OSBPL8: variants seen among roughly 807,000 people sequenced by gnomAD.
The protein encoded by OSBPL8 is oxysterol binding protein like 8.
OSBPL8 carries 59 observed loss-of-function variants against 125.5 expected under a neutral mutation model. That is an observed-to-expected ratio of 0.47 (90% CI 0.38 to 0.58). The LOEUF (loss-of-function observed/expected upper bound fraction) is 0.58, where lower values mean the gene tolerates loss of function less well. Ranked by LOEUF, OSBPL8 falls within the 20% of genes least tolerant of loss-of-function variation. The pLI is 0.00. For missense variants in OSBPL8, 758 were observed against 1,047.8 expected, an observed-to-expected ratio of 0.72 and a Z score of 3.82; for synonymous variants, 330 against 338.9, an observed-to-expected ratio of 0.97 and a Z score of 0.29.
chr12:76,369,246 T>C lies in OSBPL8; in HGVS notation c.2296A>G (p.Ile766Val), dbSNP rs369862379. 34 of 1,611,860 alleles carry C rather than the reference T, an allele frequency of 2.1e-5. No individual in the cohort carries two copies. The African/African-American group carries it at 4.0e-4, about 19-fold the overall frequency. Residue 766 changes from isoleucine (I) to valine (V), a missense_variant, in exon 21 of 24, where the codon ATT becomes GTT. Transcript: ENST00000261183. ...GTACGATGTTTCACTTTGGTCTGAA[T>C]AACACCATCTTTTTCAAACTGTATC... ...DMIQFEKDGVIQTKVKHRTPM... is the reference protein window; with the variant it reads ...DMIQFEKDGVVQTKVKHRTPM...
intron 2 of OSBPL8, among the ~76,000 whole-genome samples, chr12:76,478,870 C>T (rs531504909): frequency 1.3e-5 from 2 of 152,052 alleles, no homozygotes; most frequent in Admixed American, 6.5e-5. Context: ...TGGATCATGA[C>T]GTCAGGAGAT....
chr12:76,431,626 T>C (rs1052506862), intron 4 of OSBPL8, among the ~76,000 whole-genome samples: 1 of 152,064 alleles, frequency 6.6e-6, no homozygotes, highest in Non-Finnish European at 1.5e-5. Context: ...TCAGGAAAAA[T>C]GGACTATAAG....
intron 4 of OSBPL8, among the ~76,000 whole-genome samples, chr12:76,437,638 T>C (rs1871628110): frequency 6.6e-6 from 1 of 152,206 alleles, no homozygotes; most frequent in Admixed American, 6.5e-5. Context: ...TTCTTTGCTC[T>C]TTGCTTTCCC....
At chr12:76,557,708 T>C (rs1427626728) in intron 1 of OSBPL8, among the ~76,000 whole-genome samples, 2 of 152,178 alleles carry the variant, frequency 1.3e-5, no homozygotes, top group South Asian at 2.1e-4. Context: ...AAATTCATTA[T>C]ACACAATTGT....
intron 17 of OSBPL8, among the ~76,000 whole-genome samples, chr12:76,374,315 T>C (rs541894137): frequency 2.4e-4 from 37 of 152,224 alleles, no homozygotes; most frequent in African/African-American, 8.2e-4. Context: ...ATACGTACCC[T>C]CTCCCCTTCA....
At chr12:76,397,568 T>C (rs947510265) in intron 8 of OSBPL8, 126 bp downstream of exon 8, 3 of 958,152 alleles carry the variant, frequency 3.1e-6, no homozygotes, top group African/African-American at 3.3e-5. Context: ...GGGGGAATAA[T>C]GCAATGGAAA....
chr12:76,387,147 C>T (rs908225022), intron 12 of OSBPL8, among the ~76,000 whole-genome samples: 3 of 152,146 alleles, frequency 2.0e-5, no homozygotes, highest in Non-Finnish European at 2.9e-5. Context: ...TGAGTCCATT[C>T]TCAGTTGTTG....
rs550047517 is a variant in OSBPL8 at position 76,451,769 on chromosome 12, AGTC to A, written c.80-784_80-782del. On this transcript the variant is annotated intron_variant, in intron 3 of 23. Transcript: ENST00000261183. ...AATGAAGAAACAGGGCAAACTGCCA[AGTC>A]CAAAGTACCTGAGGATCTCCACATT... Among the ~76,000 whole-genome samples the A allele has an allele frequency of 1.7e-3, 258 of 152,300 alleles. 1 individual carries two copies. Among genetic ancestry groups the A allele is most frequent in the African/African-American group, 6.1e-3 (252 of 41,560 alleles).
intron 3 of OSBPL8, among the ~76,000 whole-genome samples, chr12:76,458,507 T>C (rs1204104173): frequency 2.0e-5 from 3 of 151,968 alleles, no homozygotes; most frequent in East Asian, 1.9e-4. Context: ...CTGGGCAACA[T>C]AGTGAGACCA....
intron 15 of OSBPL8, among the ~76,000 whole-genome samples, chr12:76,381,851 T>C (rs1010921658): frequency 8.6e-5 from 13 of 151,836 alleles, no homozygotes; most frequent in African/African-American, 3.1e-4. Context: ...TCTCCTGCCT[T>C]AGCACTCCAA....
At chr12:76,481,281 C>A (rs551058071) in intron 2 of OSBPL8, among the ~76,000 whole-genome samples, 1 of 152,180 alleles carries the variant, frequency 6.6e-6, no homozygotes, top group East Asian at 1.9e-4. Context: ...CAATGACCAA[C>A]GGTAAAATTT....
intron 12 of OSBPL8, 100 bp downstream of exon 12, chr12:76,389,545 G>A: frequency 1.0e-6 from 1 of 968,458 alleles, no homozygotes; most frequent in South Asian, 2.2e-5. Context: ...TGTCTCATTA[G>A]AGCCTGATTT....
intron 16 of OSBPL8, among the ~76,000 whole-genome samples, chr12:76,377,901 A>T (rs1327047153): frequency 6.6e-6 from 1 of 152,178 alleles, no homozygotes; most frequent in Non-Finnish European, 1.5e-5. Flanking sequence ...GGAGCTGCTG[A>T]AATGATTAAA....
At position 76,378,484 on chromosome 12, in the gene OSBPL8, T is replaced by C; in HGVS notation, c.1697A>G (p.Tyr566Cys). The C allele has an allele frequency of 6.2e-7, 1 of 1,602,104 alleles. No individual in the cohort carries two copies. The highest frequency in any genetic ancestry group is 8.5e-7 in the Non-Finnish European group (1 of 1,170,562). ...RLTFLNRGEDYVMTMPYAHCK... is the reference protein window; with the variant it reads ...RLTFLNRGEDCVMTMPYAHCK... ...ATGAGCGTATGGCATTGTCATTACA[T>C]AATCTTCACCTCTATTCAAGAAAGT... Residue 566 changes from tyrosine to cysteine, a missense_variant, in exon 16 of 24, where the codon TAT becomes TGT. Transcript: ENST00000261183.
intron 4 of OSBPL8, among the ~76,000 whole-genome samples, chr12:76,438,272 C>T (rs1166500222): frequency 6.6e-6 from 1 of 151,090 alleles, no homozygotes; most frequent in African/African-American, 2.4e-5. Flanking sequence ...AGGCATGAGC[C>T]ACTGCGCCCA....
chr12:76,403,491 A>C (rs1592613612), intron 5 of OSBPL8, among the ~76,000 whole-genome samples: 2 of 152,300 alleles, frequency 1.3e-5, no homozygotes, highest in African/African-American at 4.8e-5. Context: ...ACAATCATTA[A>C]CATTGCGGAG....
intron 4 of OSBPL8, chr12:76,422,661 A>C (rs1235405784): frequency 2.2e-6 from 1 of 456,286 alleles, no homozygotes; most frequent in African/African-American, 2.0e-5. Context: ...ATAGCTCAGA[A>C]GGTCTATTTA....
chr12:76,557,194 C>A (rs192343854), intron 1 of OSBPL8, among the ~76,000 whole-genome samples: 1 of 152,280 alleles, frequency 6.6e-6, no homozygotes, highest in African/African-American at 2.4e-5. Flanking sequence ...AAAACTAGAT[C>A]TATGTACTGT....
intron 4 of OSBPL8, among the ~76,000 whole-genome samples, chr12:76,432,211 A>G (rs68157724): frequency 0.18 from 26,692 of 152,158 alleles, 2,912 homozygotes; most frequent in Non-Finnish European, 0.26. Flanking sequence ...ACAAACAAAA[A>G]ACAGAAATTA....
Sources: gnomAD v4.1 joint callset for allele counts (sites outside exome capture counted in the v4.1 genomes callset) on GRCh38, gnomAD v4.1.1 for gene constraint, MANE v1.5 for transcripts, NCBI Gene and HGNC (gene_info 2026-07-23, HGNC 2026-07-21) for gene names.